The following MAPK10 variants were observed in gnomAD, a reference collection of about 807,000 sequenced individuals.
The protein encoded by MAPK10 is mitogen-activated protein kinase 10.
MAPK10 carries 25 observed loss-of-function variants against 59.3 expected under a neutral mutation model. That is an observed-to-expected ratio of 0.42 (90% CI 0.31 to 0.59). MAPK10 has a LOEUF of 0.59. MAPK10 is among the 20% of genes least tolerant of loss of function. The pLI, the probability that MAPK10 is intolerant of heterozygous loss-of-function variation, is 0.15. For missense variants in MAPK10, 351 were observed against 568.9 expected, an observed-to-expected ratio of 0.62 and a Z score of 3.90; for synonymous variants, 190 against 200.5, an observed-to-expected ratio of 0.95 and a Z score of 0.44.
At chr4:86,162,730 T>C (rs997381437) in intron 3 of MAPK10, among the ~76,000 whole-genome samples, 9 of 152,080 alleles carry the variant, frequency 5.9e-5, no homozygotes, top group Admixed American at 6.6e-5. Context: ...TCAGCTACCA[T>C]GTATACAGCA....
intron 2 of MAPK10, among the ~76,000 whole-genome samples, chr4:86,242,326 CA>C (rs2092781066): frequency 6.6e-6 from 1 of 152,166 alleles, no homozygotes; most frequent in African/African-American, 2.4e-5. Context: ...GGGTCTCACC[CA>C]GTTGGGCGGC....
chr4:86,552,340 G>C (rs1309331737), intron 1 of MAPK10, among the ~76,000 whole-genome samples: 1 of 151,670 alleles, frequency 6.6e-6, no homozygotes, highest in Non-Finnish European at 1.5e-5. Context: ...AGGACTGCTT[G>C]AGCCCAGGAG....
At chr4:86,060,406 A>G (rs1440981487) in intron 11 of MAPK10, among the ~76,000 whole-genome samples, 1 of 152,148 alleles carries the variant, frequency 6.6e-6, no homozygotes, top group Non-Finnish European at 1.5e-5. Context: ...AAATAAAGCT[A>G]TTTAAAAAAA....
At chr4:86,083,008 T>C (rs1005641185) in intron 9 of MAPK10, among the ~76,000 whole-genome samples, 1 of 152,180 alleles carries the variant, frequency 6.6e-6, no homozygotes, top group Non-Finnish European at 1.5e-5. Flanking sequence ...ACTTGGCACA[T>C]ATACTTAAAA....
At chr4:86,059,319 T>C (rs2045263980) in intron 11 of MAPK10, among the ~76,000 whole-genome samples, 1 of 152,148 alleles carries the variant, frequency 6.6e-6, no homozygotes, top group Non-Finnish European at 1.5e-5. Flanking sequence ...TTTCTATAAA[T>C]TCTTTCACCG....
intron 2 of MAPK10, among the ~76,000 whole-genome samples, chr4:86,198,019 T>G (rs2081769509): frequency 6.6e-6 from 1 of 152,120 alleles, no homozygotes; most frequent in Non-Finnish European, 1.5e-5. Context: ...ATGCATTAAA[T>G]CATGCTGATC....
intron 1 of MAPK10, among the ~76,000 whole-genome samples, chr4:86,385,703 A>C (rs1020393538): frequency 8.5e-5 from 13 of 152,192 alleles, no homozygotes; most frequent in Non-Finnish European, 2.9e-5. Flanking sequence ...TAGCTCCCGG[A>C]TGGGTAAATC....
At chr4:86,567,513 C>T (rs148576734) in intron 1 of MAPK10, among the ~76,000 whole-genome samples, 9 of 152,280 alleles carry the variant, frequency 5.9e-5, no homozygotes, top group African/African-American at 2.2e-4. Context: ...AGCCACCACA[C>T]CTGGCTGAAA....
chr4:86,320,368 G>A (rs1168633798), intron 2 of MAPK10, among the ~76,000 whole-genome samples: 1 of 152,206 alleles, frequency 6.6e-6, no homozygotes, highest in Non-Finnish European at 1.5e-5. Flanking sequence ...AGAGCCTGCA[G>A]TGATAGAACT....
intron 1 of MAPK10, among the ~76,000 whole-genome samples, chr4:86,559,302 A>T (rs374002100): frequency 2.0e-5 from 3 of 152,022 alleles, no homozygotes; most frequent in Non-Finnish European, 4.4e-5. Context: ...AAATCTAAAA[A>T]TCCTATAATT....
chr4:86,519,942 C>A (rs569274409), intron 1 of MAPK10, among the ~76,000 whole-genome samples: 1 of 152,260 alleles, frequency 6.6e-6, no homozygotes, highest in South Asian at 2.1e-4. Context: ...AAAGATAGGA[C>A]CCCAATCTCT....
At chr4:86,256,757 T>C (rs1441567129) in intron 2 of MAPK10, among the ~76,000 whole-genome samples, 1 of 137,298 alleles carries the variant, frequency 7.3e-6, no homozygotes, top group Non-Finnish European at 1.5e-5. Flanking sequence ...TTTTTTTTTT[T>C]TGAGACAGAG....
intron 1 of MAPK10, among the ~76,000 whole-genome samples, chr4:86,516,879 C>T (rs1321505958): frequency 6.6e-6 from 1 of 152,182 alleles, no homozygotes; most frequent in African/African-American, 2.4e-5. Flanking sequence ...TTGACTTTCT[C>T]TTTACCAGTT....
At chr4:86,579,516 TACACACACACAC>T (rs35878270) in intron 1 of MAPK10, among the ~76,000 whole-genome samples, 46 of 146,292 alleles carry the variant, frequency 3.1e-4, no homozygotes, top group African/African-American at 9.5e-4. Flanking sequence ...GATATGTGTA[TACACACACACAC>T]ACACACACAC....
chr4:86,400,191 G>C (rs1380104861), intron 1 of MAPK10, among the ~76,000 whole-genome samples: 1 of 152,130 alleles, frequency 6.6e-6, no homozygotes, highest in Non-Finnish European at 1.5e-5. Flanking sequence ...CTTAGGGTTA[G>C]ACAAGTTTCT....
intron 2 of MAPK10, among the ~76,000 whole-genome samples, chr4:86,222,901 A>G (rs2089939449): frequency 6.6e-6 from 1 of 152,226 alleles, no homozygotes; most frequent in Non-Finnish European, 1.5e-5. Context: ...CTTATTCAGT[A>G]CATGCAAACA....
intron 9 of MAPK10, among the ~76,000 whole-genome samples, chr4:86,087,440 T>C (rs2052127311): frequency 6.6e-6 from 1 of 152,130 alleles, no homozygotes; most frequent in Non-Finnish European, 1.5e-5. Flanking sequence ...AGAAGTCCTG[T>C]TTTTTAAAAT....
intron 2 of MAPK10, among the ~76,000 whole-genome samples, chr4:86,241,588 T>G (rs188870265): frequency 6.6e-6 from 1 of 152,300 alleles, no homozygotes; most frequent in African/African-American, 2.4e-5. Flanking sequence ...GTCCTCAAAC[T>G]CTGATATCCT....
chr4:86,454,256 C>G (rs139306555), upstream of MAPK10, among the ~76,000 whole-genome samples: 3 of 152,194 alleles, frequency 2.0e-5, no homozygotes, highest in East Asian at 5.8e-4. Context: ...TGGATCCAAA[C>G]CAGGAAGAAA....
Sources: allele counts gnomAD v4.1 joint callset (sites outside exome capture counted in the v4.1 genomes callset), GRCh38; gene constraint gnomAD v4.1.1; transcripts MANE v1.5; gene names NCBI Gene and HGNC (gene_info 2026-07-23, HGNC 2026-07-21).